The following RGS7 variants were observed in gnomAD, a reference collection of about 807,000 sequenced individuals.
RGS7 encodes the protein regulator of G protein signaling 7.
Under a neutral mutation model 81.1 loss-of-function variants are expected in RGS7, and 27 were observed. That is an observed-to-expected ratio of 0.33 (90% CI 0.25 to 0.46). The LOEUF (loss-of-function observed/expected upper bound fraction) is 0.46, where lower values mean the gene tolerates loss of function less well. Among genes scored for constraint, RGS7 ranks in the 20% least tolerant of loss-of-function variants. RGS7 has a pLI of 1.00. For synonymous variants in RGS7, 208 were observed against 207.7 expected, an observed-to-expected ratio of 1.00 and a Z score of -0.01; for missense variants, 396 against 607.4, an observed-to-expected ratio of 0.65 and a Z score of 3.66.
chr1:241,006,497 T>C (rs1396348425), intron 3 of RGS7, among the ~76,000 whole-genome samples: 1 of 152,108 alleles, frequency 6.6e-6, no homozygotes, highest in Non-Finnish European at 1.5e-5. Flanking sequence ...GAAATATATA[T>C]AAATAATCCT....
intron 3 of RGS7, among the ~76,000 whole-genome samples, chr1:241,074,366 T>C (rs1264792075): frequency 6.6e-6 from 1 of 151,970 alleles, no homozygotes; most frequent in East Asian, 1.9e-4. Context: ...CCCTTGAAAA[T>C]TGGTGAGGAT....
chr1:241,331,493 T>C lies in RGS7; in HGVS notation c.78+24206A>G, dbSNP rs113299406. On this transcript the variant is annotated intron_variant, in intron 2 of 18. Coordinates refer to ENST00000440928, the MANE Select transcript of RGS7 (RefSeq NM_001364886.1). ...GCTTAGCATAGTGACTCACATATGA[T>C]AAAGGTACAATATAGTTTCACTATT... is the stretch of plus-strand genomic sequence containing the variant. Among the ~76,000 whole-genome samples, 161 of 152,350 alleles carry C rather than the reference T, an allele frequency of 1.1e-3. 2 individuals are homozygous for C. Among genetic ancestry groups the C allele is most frequent in the African/African-American group, 3.7e-3 (152 of 41,584 alleles).
At chr1:240,815,550 T>A (rs890714901) in intron 11 of RGS7, among the ~76,000 whole-genome samples, 6 of 152,196 alleles carry the variant, frequency 3.9e-5, no homozygotes, top group Admixed American at 1.3e-4. Context: ...AATGCTCACA[T>A]GGAATAATCA....
intron 2 of RGS7, among the ~76,000 whole-genome samples, chr1:241,347,133 A>G (rs935229498): frequency 6.6e-6 from 1 of 152,208 alleles, no homozygotes; most frequent in African/African-American, 2.4e-5. Context: ...AAGGTCATGT[A>G]GATTTGTATT....
At chr1:241,022,302 C>T (rs1226961022) in intron 3 of RGS7, among the ~76,000 whole-genome samples, 1 of 152,178 alleles carries the variant, frequency 6.6e-6, no homozygotes. Flanking sequence ...GTAGAGTGAA[C>T]TAACTTTGGG....
chr1:241,088,552 C>A (rs2063616472), intron 3 of RGS7, among the ~76,000 whole-genome samples: 1 of 152,042 alleles, frequency 6.6e-6, no homozygotes, highest in South Asian at 2.1e-4. Flanking sequence ...CCAACAATTA[C>A]CCCCTGATTG....
In RGS7 at chr1:241,310,480, T is replaced by C. The variant is rs539757145; in HGVS notation, c.78+45219A>G. ...GTGTGAGAGTGTGTGTGTCTGTGTG[T>C]CTGTGTGTGAGTGAGCGTGTGTGGT... On this transcript the variant is annotated intron_variant, in intron 2 of 18. Coordinates refer to ENST00000440928, the MANE Select transcript of RGS7 (RefSeq NM_001364886.1). Among the ~76,000 whole-genome samples the C allele has an allele frequency of 5.4e-4, 58 of 107,384 alleles. 1 individual carries two copies. In the East Asian group the frequency reaches 0.025, roughly 45 times the overall value. 70.4% of individuals were successfully genotyped at this position (107,384 alleles called of 152,430 possible).
intron 2 of RGS7, among the ~76,000 whole-genome samples, chr1:241,327,080 G>GAGAAAGAAAGAAAGAAAGAAAGAA (rs75083243): frequency 2.0e-5 from 1 of 49,348 alleles, no homozygotes; most frequent in Admixed American, 2.4e-4. Flanking sequence ...AAGGAAGGAA[G>GAGAAAGAAAGAAAGAAAGAAAGAA]AGAAAGAAAG....
chr1:240,922,331 C>T (rs1478937678), intron 6 of RGS7, among the ~76,000 whole-genome samples: 3 of 151,974 alleles, frequency 2.0e-5, no homozygotes, highest in African/African-American at 7.2e-5. Context: ...ACTTTTTAGA[C>T]ACAACATCAA....
chr1:240,825,464 T>G (rs1293384186), intron 10 of RGS7, among the ~76,000 whole-genome samples: 1 of 152,232 alleles, frequency 6.6e-6, no homozygotes. Context: ...AAAATCCGTT[T>G]TCTCCAACTG....
At chr1:241,150,336 T>TA (rs1399721874) in intron 2 of RGS7, among the ~76,000 whole-genome samples, 1 of 152,140 alleles carries the variant, frequency 6.6e-6, no homozygotes, top group African/African-American at 2.4e-5. Context: ...GTCTGTATAA[T>TA]AAAAACATTA....
chr1:241,041,608 T>C (rs992381740), intron 3 of RGS7, among the ~76,000 whole-genome samples: 5 of 152,040 alleles, frequency 3.3e-5, no homozygotes, highest in Non-Finnish European at 2.9e-5. Flanking sequence ...ACCCCAAAAC[T>C]CCCACTTCCC....
At chr1:241,070,838 G>A (rs1373135911) in intron 3 of RGS7, among the ~76,000 whole-genome samples, 1 of 152,244 alleles carries the variant, frequency 6.6e-6, no homozygotes, top group Admixed American at 6.5e-5. Context: ...GAGAAAATGG[G>A]AAAGAATCCA....
chr1:241,188,016 T>C (rs1270627157), intron 2 of RGS7, among the ~76,000 whole-genome samples: 2 of 152,190 alleles, frequency 1.3e-5, no homozygotes. Flanking sequence ...GAATAAGTTG[T>C]AGTGTCAGCA....
At chr1:241,155,596 G>GAAAAAAAAAAAA (rs2069065450) in intron 2 of RGS7, among the ~76,000 whole-genome samples, 1 of 132,084 alleles carries the variant, frequency 7.6e-6, no homozygotes, top group African/African-American at 3.0e-5. Context: ...AAAAAAAAAG[G>GAAAAAAAAAAAA]AAATGACCTA....
intron 3 of RGS7, among the ~76,000 whole-genome samples, chr1:241,054,686 A>G (rs1398057437): frequency 2.0e-5 from 3 of 152,222 alleles, no homozygotes; most frequent in Non-Finnish European, 2.9e-5. Context: ...TAAGAGTGCC[A>G]ATATTCACTC....
chr1:240,830,629 G>A (rs563268829), intron 9 of RGS7, among the ~76,000 whole-genome samples: 9 of 152,320 alleles, frequency 5.9e-5, no homozygotes, highest in Admixed American at 3.9e-4. Flanking sequence ...GAGCACATGC[G>A]TTGAAACCTA....
intron 2 of RGS7, among the ~76,000 whole-genome samples, chr1:241,126,617 T>A (rs1408599647): frequency 6.6e-6 from 1 of 152,204 alleles, no homozygotes; most frequent in Non-Finnish European, 1.5e-5. Flanking sequence ...ACAGATGTGC[T>A]AAATACAACA....
chr1:240,791,988 A>T (rs1686088865), intron 18 of RGS7, among the ~76,000 whole-genome samples: 1 of 152,188 alleles, frequency 6.6e-6, no homozygotes, highest in African/African-American at 2.4e-5. Flanking sequence ...CAAATGTTGA[A>T]ATGCTAAGAT....
Sources: allele counts gnomAD v4.1 joint callset (sites outside exome capture counted in the v4.1 genomes callset), GRCh38; gene constraint gnomAD v4.1.1; transcripts MANE v1.5; gene names NCBI Gene and HGNC (gene_info 2026-07-23, HGNC 2026-07-21).